CCDC141: variants seen among roughly 807,000 people sequenced by gnomAD.
CCDC141 encodes the protein coiled-coil domain containing 141.
In CCDC141, 168 loss-of-function variants were observed where a neutral mutation model predicts 181.0. The ratio of observed to expected loss-of-function variants is 0.93; its 90% CI spans 0.82 to 1.05. The LOEUF (loss-of-function observed/expected upper bound fraction) is 1.05, where lower values mean the gene tolerates loss of function less well. Ranked by LOEUF, CCDC141 falls within the 50% of genes least tolerant of loss-of-function variation. CCDC141 has a pLI of 0.00. For synonymous variants in CCDC141, 666 were observed against 642.3 expected, an observed-to-expected ratio of 1.04 and a Z score of -0.56; for missense variants, 1,902 against 1,788.5, an observed-to-expected ratio of 1.06 and a Z score of -1.14.
At chr2:178,979,983 C>T (rs1055951089) in intron 2 of CCDC141, among the ~76,000 whole-genome samples, 5 of 152,108 alleles carry the variant, frequency 3.3e-5, no homozygotes, top group Non-Finnish European at 5.9e-5. Context: ...ATAATCTCAA[C>T]ATCTAGGACT....
intron 19 of CCDC141, among the ~76,000 whole-genome samples, chr2:178,853,939 A>G (rs1685274245): frequency 6.6e-6 from 1 of 152,228 alleles, no homozygotes; most frequent in African/African-American, 2.4e-5. Flanking sequence ...AATGTTGCAG[A>G]CTTATAAGAA....
At chr2:178,930,151 T>G (rs1689046695) in intron 6 of CCDC141, among the ~76,000 whole-genome samples, 1 of 152,094 alleles carries the variant, frequency 6.6e-6, no homozygotes, top group Non-Finnish European at 1.5e-5. Context: ...ATCACTTGTG[T>G]TTCTATAGAA....
Position 178,961,216 on chromosome 2 carries a change from C to T in CCDC141, c.780+14G>A, listed in dbSNP as rs1389097899. 1.3e-6 allele frequency: 2 copies of T among 1,548,820 alleles called. No homozygotes were observed. The highest frequency in any genetic ancestry group is 8.7e-7 in the Non-Finnish European group (1 of 1,145,768). On this transcript the variant is annotated intron_variant, in intron 5 of 23. Transcript: ENST00000443758. ...GCTGAGGCTGGAACATCATCCAATG[C>T]CCCTTTGGGTTACCTGGTTTTCTTG...
intron 17 of CCDC141, among the ~76,000 whole-genome samples, chr2:178,860,254 A>T (rs1218688210): frequency 6.6e-6 from 1 of 152,104 alleles, no homozygotes; most frequent in Non-Finnish European, 1.5e-5. Flanking sequence ...TCAAAATTTA[A>T]CCCAAATCAT....
In CCDC141 at chr2:178,833,367, A is replaced by G. The variant is rs762945477; in HGVS notation, c.*806T>C. ...ATTTTCCAGACAGGAAACTGAGGCA[A>G]TGAGGCTTTGCCATAAAGTATAAAA... is the stretch of plus-strand genomic sequence containing the variant. On this transcript the variant is annotated 3_prime_UTR_variant, in exon 24 of 24. Coordinates refer to ENST00000443758, the MANE Select transcript of CCDC141 (RefSeq NM_173648.4). 2 of 152,236 alleles carry G rather than the reference A, an allele frequency of 1.3e-5. No individual in the cohort carries two copies. Among genetic ancestry groups the G allele is most frequent in the African/African-American group, 2.4e-5 (1 of 41,462 alleles). 9.4% of individuals were successfully genotyped at this position (152,236 alleles called of 1,614,324 possible).
At chr2:179,018,774 C>T (rs2042616330) in intron 2 of CCDC141, among the ~76,000 whole-genome samples, 1 of 151,880 alleles carries the variant, frequency 6.6e-6, no homozygotes, top group East Asian at 1.9e-4. Context: ...ACAAACTAGG[C>T]GAGAGCAAGA....
chr2:178,967,918 A>G lies in CCDC141; in HGVS notation c.527-6435T>C, dbSNP rs190553737. Among the ~76,000 whole-genome samples the G allele has an allele frequency of 2.5e-3, 383 of 152,332 alleles. 1 individual carries two copies. The highest frequency in any genetic ancestry group is 8.6e-3 in the African/African-American group (356 of 41,568). On this transcript the variant is annotated intron_variant, in intron 4 of 23. Coordinates refer to ENST00000443758, the MANE Select transcript of CCDC141 (RefSeq NM_173648.4). ...TATTTACTAAGCAAATGGAAAGTAA[A>G]AAAAAAGCAAGAGTTGCAATCCTAA... is the stretch of plus-strand genomic sequence containing the variant.
chr2:178,826,146 T>C (rs1330040264), downstream of CCDC141, among the ~76,000 whole-genome samples: 9 of 152,158 alleles, frequency 5.9e-5, no homozygotes, highest in Non-Finnish European at 1.2e-4. Context: ...GAATACACAT[T>C]AGATTTTTGT....
chr2:178,825,157 TTTAA>T (rs1412252807), downstream of CCDC141, among the ~76,000 whole-genome samples: 1 of 152,232 alleles, frequency 6.6e-6, no homozygotes, highest in South Asian at 2.1e-4. Context: ...TATTTTATCA[TTTAA>T]TTAATTAACA....
chr2:178,856,598 T>C (rs916212508), intron 17 of CCDC141, among the ~76,000 whole-genome samples: 5 of 148,416 alleles, frequency 3.4e-5, no homozygotes, highest in African/African-American at 1.2e-4. Flanking sequence ...TCTCTCCCTT[T>C]CTTTTTTTGA....
At chr2:178,943,980 C>T in intron 6 of CCDC141, among the ~76,000 whole-genome samples, 1 of 152,122 alleles carries the variant, frequency 6.6e-6, no homozygotes, top group East Asian at 1.9e-4. Flanking sequence ...TAAATTGGAA[C>T]AGCAATCAAA....
chr2:179,045,732 T>C (rs1047521537), intron 2 of CCDC141, among the ~76,000 whole-genome samples: 3 of 152,200 alleles, frequency 2.0e-5, no homozygotes, highest in Admixed American at 1.3e-4. Context: ...TATCTCATTG[T>C]GGTTTTGATT....
the CCDC141 span, among the ~76,000 whole-genome samples, chr2:178,817,848 G>C: frequency 8.6e-6 from 1 of 116,742 alleles, no homozygotes; most frequent in Non-Finnish European, 1.6e-5. Flanking sequence ...TGTTGCCTAG[G>C]CTGGAGTGCA....
At chr2:178,952,221 G>A (rs1689978006) in intron 5 of CCDC141, among the ~76,000 whole-genome samples, 1 of 152,160 alleles carries the variant, frequency 6.6e-6, no homozygotes, top group Admixed American at 6.5e-5. Flanking sequence ...GAATTGGTGT[G>A]GGATATGGCC....
rs760268176 is a variant in CCDC141, at chr2:179,047,303, A to G, written c.206T>C (p.Leu69Pro). The G allele has an allele frequency of 9.8e-6, 15 of 1,536,566 alleles. No homozygotes were observed. In the African/African-American group the frequency reaches 1.5e-4, roughly 16 times the overall value. ...ETKKLLHDHE[L>P]LLAKLKALED... ...TCTTACCTTGAGCTTGGCCAAAAGA[A>G]GTTCATGATCATGAAGAAGTTTTTT... The change falls in exon 2 of 24, where the codon CTT (leucine) becomes CCT (proline). Residue 69 changes from leucine (L) to proline (P), a missense_variant. By Grantham distance (98) the Leu-to-Pro change is moderately conservative. Coordinates refer to ENST00000443758, the MANE Select transcript of CCDC141 (RefSeq NM_173648.4).
At chr2:179,012,153 A>T (rs1043210938) in intron 2 of CCDC141, among the ~76,000 whole-genome samples, 1 of 152,128 alleles carries the variant, frequency 6.6e-6, no homozygotes, top group Admixed American at 6.5e-5. Flanking sequence ...ACAAACAAAC[A>T]AACAAAATAC....
chr2:178,950,168 G>A (rs765080919), intron 5 of CCDC141, among the ~76,000 whole-genome samples: 5 of 152,108 alleles, frequency 3.3e-5, no homozygotes, highest in South Asian at 2.1e-4. Flanking sequence ...AAGGAAAAAG[G>A]CATCAGTTAT....
At position 178,905,463 on chromosome 2, in the gene CCDC141, C is replaced by T. The variant is rs776462842; in HGVS notation, c.1131G>A (p.Lys377=). The T allele has an allele frequency of 3.9e-6, 6 of 1,550,610 alleles. No individual in the cohort carries two copies. Among genetic ancestry groups the T allele is most frequent in the African/African-American group, 1.4e-5 (1 of 73,024 alleles). ...GACTTAAACCCTCTGATTTAAGGAG[C>T]TTAAGGTAAGCTTCAACTCTTCCAA... is the stretch of plus-strand genomic sequence containing the variant. ...DVLGRVEAYL[K]LLKSEGLSLA... is the part of the protein sequence containing the mutation. The change falls in exon 8 of 24, where the codon AAG becomes AAA. Residue 377 remains lysine (K), a synonymous_variant. Transcript: ENST00000443758.
Position 178,871,459 on chromosome 2 carries a change from G to A in CCDC141, c.2173C>T (p.Gln725Ter). 1 of 1,613,060 alleles carries A rather than the reference G, an allele frequency of 6.2e-7. No individual in the cohort carries two copies. ...TGAGGCTTCATGTCATTCCATTTTT[G>A]TCGTAGATCTAAAATGAACTGGAGG... The part of the protein sequence containing the change: ...GSLQFILDLR[Q>*]KWNDMKPQFQ... Residue 725 changes from glutamine (Q) to a stop codon, truncating the protein, a stop_gained, in exon 14 of 24, where the codon CAA (glutamine) becomes TAA (stop). Coordinates refer to ENST00000443758, the MANE Select transcript of CCDC141 (RefSeq NM_173648.4). LOFTEE classifies it high-confidence loss of function.
Sources: gnomAD v4.1 joint callset for allele counts (sites outside exome capture counted in the v4.1 genomes callset) on GRCh38, gnomAD v4.1.1 for gene constraint, MANE v1.5 for transcripts, NCBI Gene and HGNC (gene_info 2026-07-23, HGNC 2026-07-21) for gene names.